NXN: variants seen among roughly 807,000 people sequenced by gnomAD.
NXN encodes nucleoredoxin 1.
Under a neutral mutation model 48.6 loss-of-function variants are expected in NXN, and 16 were observed. The ratio of observed to expected loss-of-function variants is 0.33; its 90% confidence interval spans 0.22 to 0.50. NXN has a LOEUF of 0.50. NXN is among the 20% of genes least tolerant of loss of function. NXN has a pLI of 0.98. For missense variants in NXN, 492 were observed against 605.5 expected, an observed-to-expected ratio of 0.81 and a Z score of 1.97; for synonymous variants, 281 against 269.6, an observed-to-expected ratio of 1.04 and a Z score of -0.41.
chr17:823,901 A>G (rs977445595), intron 2 of NXN, 136 bp from the exon 3 acceptor site: 9 of 750,038 alleles, frequency 1.2e-5, no homozygotes, highest in Non-Finnish European at 1.9e-5. Flanking sequence ...GCGTGACAAG[A>G]TAATCATCAA....
intron 2 of NXN, among the ~76,000 whole-genome samples, chr17:824,934 G>A (rs145029239): frequency 1.4e-3 from 209 of 152,270 alleles, no homozygotes; most frequent in Non-Finnish European, 1.8e-3. Context: ...GGTCGGGCTC[G>A]GGATCCACAC....
At chr17:915,062 A>G (rs111904587) in intron 1 of NXN, among the ~76,000 whole-genome samples, 6,096 of 150,552 alleles carry the variant, frequency 0.04, 281 homozygotes, top group East Asian at 0.12. Flanking sequence ...AGCCTCCCAA[A>G]TAGCTGGGAA....
chr17:834,371 CTT>C (rs1278939215), intron 1 of NXN, among the ~76,000 whole-genome samples: 6 of 152,156 alleles, frequency 3.9e-5, no homozygotes, highest in Admixed American at 1.3e-4. Context: ...GACCAGATGA[CTT>C]TACATCCAGT....
At chr17:827,322 C>CA (rs1262982542) in intron 1 of NXN, among the ~76,000 whole-genome samples, 1 of 147,364 alleles carries the variant, frequency 6.8e-6, no homozygotes, top group Non-Finnish European at 1.5e-5. Context: ...ACTAAAAATA[C>CA]AAAAAATTAG....
Position 920,740 on chromosome 17 carries a change from T to A in NXN, c.360+58579A>T, listed in dbSNP as rs2068741500. 6.6e-6 allele frequency among the ~76,000 whole-genome samples: 1 copy of A among 151,406 alleles called. No individual in the cohort carries two copies. The highest frequency in any genetic ancestry group is 6.6e-5 in the Admixed American group (1 of 15,182). ...GGAAGCCTTTTTTTTTTTTTTCCTT[T>A]GAAACAGAGTCTCGCCCTGTTGCCC... On this transcript the variant is annotated intron_variant, in intron 1 of 7. Transcript: ENST00000336868. The surrounding 1 kb of genome is among the most constrained non-coding windows in gnomAD (Gnocchi z 4.6).
At chr17:811,981 G>T (rs1422933204) in intron 5 of NXN, among the ~76,000 whole-genome samples, 1 of 135,578 alleles carries the variant, frequency 7.4e-6, no homozygotes, top group African/African-American at 2.8e-5. Flanking sequence ...AGGCTGGAGT[G>T]CAGTGGCAAG....
In NXN at chr17:853,723, A is replaced by ATTTT. The variant is rs1221156589; in HGVS notation, c.361-27649_361-27646dup. 3.8e-3 allele frequency among the ~76,000 whole-genome samples: 398 copies of ATTTT among 105,934 alleles called. 9 individuals carry two copies. Among genetic ancestry groups the ATTTT allele is most frequent in the African/African-American group, 0.016 (365 of 23,204 alleles). 69.5% of individuals were successfully genotyped at this position (105,934 alleles called of 152,430 possible). ...TACACATATATATATATATATATAT[A>ATTTT]TTTTTTTTTTTTTTTCCAAGACGGA... On this transcript the variant is annotated intron_variant, in intron 1 of 7. Transcript: ENST00000336868.
chr17:878,543 G>T (rs955667254), intron 1 of NXN, among the ~76,000 whole-genome samples: 2 of 151,150 alleles, frequency 1.3e-5, no homozygotes, highest in South Asian at 4.2e-4. Context: ...GGGTGCCCTT[G>T]AAGTCCACGC....
At chr17:832,962 T>C (rs867272853) in intron 1 of NXN, among the ~76,000 whole-genome samples, 16 of 152,078 alleles carry the variant, frequency 1.1e-4, no homozygotes, top group African/African-American at 2.9e-4. Context: ...GCGATCTCAG[T>C]TCACTGCAAG....
chr17:955,299 C>G (rs547384145), intron 1 of NXN, among the ~76,000 whole-genome samples: 2 of 151,760 alleles, frequency 1.3e-5, no homozygotes, highest in East Asian at 3.9e-4. Context: ...TCCCGAGTAG[C>G]TGGGATTACA....
At chr17:883,570 A>T (rs1327466276) in intron 1 of NXN, among the ~76,000 whole-genome samples, 1 of 152,234 alleles carries the variant, frequency 6.6e-6, no homozygotes, top group Non-Finnish European at 1.5e-5. Flanking sequence ...ATGACTCTGG[A>T]GGGGACCCTC....
At chr17:837,926 G>C (rs1913916584) in intron 1 of NXN, among the ~76,000 whole-genome samples, 1 of 152,170 alleles carries the variant, frequency 6.6e-6, no homozygotes, top group African/African-American at 2.4e-5. Context: ...AGGATGGCAA[G>C]AGCGTGAGGT....
intron 1 of NXN, among the ~76,000 whole-genome samples, chr17:865,405 G>A (rs113386802): frequency 0.03 from 4,579 of 151,936 alleles, 81 homozygotes; most frequent in Non-Finnish European, 0.04. Flanking sequence ...ACCACGCCCG[G>A]CTGATTTTGT....
chr17:886,760 AGAGT>A lies in NXN; in HGVS notation c.361-60686_361-60683del, dbSNP rs1315340819. ...GCCACTGCACTCCAACCTGGGCGAC[AGAGT>A]GAGACTCTGTCTCAAAAAAAAAAAA... On this transcript the variant is annotated intron_variant, in intron 1 of 7. Transcript: ENST00000336868. Among the ~76,000 whole-genome samples the A allele has an allele frequency of 6.1e-5, 9 of 148,622 alleles. No individual in the cohort carries two copies. In the East Asian group the frequency reaches 1.6e-3, roughly 26 times the overall value.
chr17:873,480 G>C (rs1387090544), intron 1 of NXN, among the ~76,000 whole-genome samples: 3 of 115,862 alleles, frequency 2.6e-5, no homozygotes, highest in Non-Finnish European at 5.4e-5. Flanking sequence ...CTGGGAGACA[G>C]AGACACTGTC....
chr17:967,120 A>G (rs333639), intron 1 of NXN, among the ~76,000 whole-genome samples: 15,498 of 152,118 alleles, frequency 0.1, 2,508 homozygotes, highest in African/African-American at 0.34. Context: ...CACAGCCCCC[A>G]GGCCTGAGGC....
At chr17:851,927 G>T (rs1237137777) in intron 1 of NXN, among the ~76,000 whole-genome samples, 1 of 152,212 alleles carries the variant, frequency 6.6e-6, no homozygotes, top group Non-Finnish European at 1.5e-5. Context: ...GTGGTTTAAA[G>T]ATGGCGCCAC....
At chr17:863,103 A>G (rs1005104716) in intron 1 of NXN, among the ~76,000 whole-genome samples, 3 of 152,054 alleles carry the variant, frequency 2.0e-5, no homozygotes, top group African/African-American at 7.2e-5. Flanking sequence ...CAATCAGCCC[A>G]GCAGAGCCTG....
intron 1 of NXN, among the ~76,000 whole-genome samples, chr17:944,350 C>A (rs868188387): frequency 6.6e-6 from 1 of 152,252 alleles, no homozygotes; most frequent in South Asian, 2.1e-4. Flanking sequence ...CCATATTGGC[C>A]CCAAACTCCA....
Sources: allele counts gnomAD v4.1 joint callset (sites outside exome capture counted in the v4.1 genomes callset), GRCh38; gene constraint gnomAD v4.1.1; non-coding constraint Gnocchi (gnomAD v3.1); transcripts MANE v1.5; gene names NCBI Gene and HGNC (gene_info 2026-07-23, HGNC 2026-07-21).